SNRNP48: variants seen among roughly 807,000 people sequenced by gnomAD.
SNRNP48 encodes U11/U12 small nuclear ribonucleoprotein 48 kDa protein.
A neutral mutation model predicts 47.0 loss-of-function variants in SNRNP48; 43 were observed. That is an observed-to-expected ratio of 0.92 (90% CI 0.72 to 1.18). The LOEUF (loss-of-function observed/expected upper bound fraction) is 1.18, where lower values mean the gene tolerates loss of function less well. Ranked by LOEUF, SNRNP48 falls within the 50% of genes most tolerant of loss-of-function variation. The pLI, the probability that SNRNP48 is intolerant of heterozygous loss-of-function variation, is 0.00. For missense variants in SNRNP48, 396 were observed against 422.2 expected, an observed-to-expected ratio of 0.94 and a Z score of 0.54; for synonymous variants, 138 against 144.0, an observed-to-expected ratio of 0.96 and a Z score of 0.30.
Position 7,606,198 on chromosome 6 carries a change from G to A in SNRNP48, c.971+3G>A, listed in dbSNP as rs368401628. The A allele has an allele frequency of 5.6e-6, 9 of 1,606,084 alleles. No homozygotes were observed. The highest frequency in any genetic ancestry group is 1.7e-5 in the Admixed American group (1 of 58,300). ...GAGTCGAGAAGAAGGAAAGAGAGGT[G>A]GGTCTAACCCTGCATCATCCAACGT... On this transcript the variant is annotated splice_donor_region_variant and intron_variant, in intron 8 of 8. Coordinates refer to ENST00000342415, the MANE Select transcript of SNRNP48 (RefSeq NM_152551.4).
intron 4 of SNRNP48, chr6:7,600,659 C>T (rs1010450205): frequency 3.3e-5 from 5 of 152,072 alleles, no homozygotes; most frequent in African/African-American, 1.2e-4. Flanking sequence ...TACCGGGGGG[C>T]ACTGCTATTA....
intron 8 of SNRNP48, among the ~76,000 whole-genome samples, chr6:7,607,014 A>G (rs1004387702): frequency 2.0e-5 from 3 of 152,146 alleles, no homozygotes; most frequent in Non-Finnish European, 2.9e-5. Context: ...GTGAATAGTC[A>G]CCTCATAGAA....
chr6:7,596,253 G>A (rs987445824), intron 4 of SNRNP48, among the ~76,000 whole-genome samples: 3 of 150,722 alleles, frequency 2.0e-5, no homozygotes, highest in South Asian at 2.1e-4. Context: ...GCAACAGAGC[G>A]AGACTCCATC....
In SNRNP48 at chr6:7,595,249, C is replaced by CA. The variant is rs1759883622; in HGVS notation, c.406+148_406+149insA. The CA allele has an allele frequency of 4.9e-6, 3 of 616,528 alleles. No individual in the cohort carries two copies. In the South Asian group the frequency reaches 6.8e-5, roughly 14 times the overall value. 38.2% of individuals were successfully genotyped at this position (616,528 alleles called of 1,614,324 possible). ...CATTTAACATTGGGCTAATTTGCTT[C>CA]GTTTCAACTTCATTTGTTAGATATT... is the stretch of plus-strand genomic sequence containing the variant. On this transcript the variant is annotated intron_variant, in intron 4 of 8. Coordinates refer to ENST00000342415, the MANE Select transcript of SNRNP48 (RefSeq NM_152551.4).
chr6:7,592,880 T>C (rs1759842964), intron 1 of SNRNP48, among the ~76,000 whole-genome samples: 1 of 152,074 alleles, frequency 6.6e-6, no homozygotes, highest in Non-Finnish European at 1.5e-5. Context: ...AGGAGTTAAA[T>C]TGGCAGGACT....
Position 7,590,200 on chromosome 6 carries a change from A to C in SNRNP48, c.-58A>C, listed in dbSNP as rs1759784836. The C allele has an allele frequency of 1.6e-6, 2 of 1,260,250 alleles. No homozygotes were observed. The highest frequency in any genetic ancestry group is 2.0e-6 in the Non-Finnish European group (2 of 995,348). The allele number at this position is 1,260,250 out of a possible 1,614,324, so 78.1% of individuals were successfully genotyped here. A position where few individuals can be genotyped will look rare whatever the true frequency, so the allele number is the denominator to read the frequency against. ...CTGTGGCCCCGCCCACAGCTCCCAG[A>C]GGCCTGCGCGTGCGGTCTGCAGTTC... On this transcript the variant is annotated 5_prime_UTR_variant, in exon 1 of 9. Transcript: ENST00000342415.
intron 4 of SNRNP48, chr6:7,600,123 G>A (rs189998540): frequency 6.0e-6 from 6 of 992,548 alleles, no homozygotes; most frequent in Non-Finnish European, 7.2e-6. Context: ...ACTTGAAAGG[G>A]AACCCTTTTT....
chr6:7,609,481 A>C lies in SNRNP48; in HGVS notation c.*608A>C, dbSNP rs1321056027. 7 of 152,246 alleles carry C rather than the reference A, an allele frequency of 4.6e-5. No homozygotes were observed. The highest frequency in any genetic ancestry group is 1.7e-4 in the African/African-American group (7 of 41,460). The allele number at this position is 152,246 out of a possible 1,614,324, so 9.4% of individuals were successfully genotyped here. On this transcript the variant is annotated 3_prime_UTR_variant, in exon 9 of 9. Transcript: ENST00000342415. Reference sequence around the variant, plus strand: ...TCAGTGAAAATAGCAAGTTGTAGAAAGTTATATACAAATTATATATATGTA... The same window carrying C: ...TCAGTGAAAATAGCAAGTTGTAGAACGTTATATACAAATTATATATATGTA...
chr6:7,593,800 A>T lies in SNRNP48; in HGVS notation c.223A>T (p.Met75Leu). 2 of 1,599,850 alleles carry T rather than the reference A, an allele frequency of 1.3e-6. No individual in the cohort carries two copies. The highest frequency in any genetic ancestry group is 1.7e-6 in the Non-Finnish European group (2 of 1,172,796). The change falls in exon 2 of 9, where the codon ATG becomes TTG. Residue 75 changes from methionine to leucine, a missense_variant. Coordinates refer to ENST00000342415, the MANE Select transcript of SNRNP48 (RefSeq NM_152551.4). ...GCCTAAATCATCTTTGGCAAAGCAC[A>T]TGGCATCTTGTAGATTGAGGAAAAT... ...HMPKSSLAKH[M>L]ASCRLRKMGY...
Position 7,593,786 on chromosome 6 carries a change from C to T in SNRNP48, c.209C>T (p.Ser70Phe). ...TCCAATCATCACATGCCTAAATCAT[C>T]TTTGGCAAAGCACATGGCATCTTGT... is the stretch of plus-strand genomic sequence containing the variant. ...YDSNHHMPKS[S>F]LAKHMASCRL... Residue 70 changes from serine to phenylalanine, a missense_variant, in exon 2 of 9, where the codon TCT (serine) becomes TTT (phenylalanine). Physicochemically the swap from Ser to Phe is radical, Grantham distance 155 (BLOSUM62 -2). Coordinates refer to ENST00000342415, the MANE Select transcript of SNRNP48 (RefSeq NM_152551.4). 1 of 1,600,262 alleles carries T rather than the reference C, an allele frequency of 6.2e-7. No individual in the cohort carries two copies. Among genetic ancestry groups the T allele is most frequent in the Non-Finnish European group, 8.5e-7 (1 of 1,173,164 alleles).
intron 4 of SNRNP48, among the ~76,000 whole-genome samples, chr6:7,595,340 T>C (rs1759884983): frequency 6.6e-6 from 1 of 152,062 alleles, no homozygotes; most frequent in Non-Finnish European, 1.5e-5. Flanking sequence ...CCTTTGGAAT[T>C]ACCTGGCGAT....
chr6:7,592,828 G>A (rs75641290), intron 1 of SNRNP48, among the ~76,000 whole-genome samples: 10,572 of 152,166 alleles, frequency 0.069, 493 homozygotes, highest in Non-Finnish European at 0.1. Flanking sequence ...TGGGGAAGTG[G>A]CAGTGGGGAT....
In SNRNP48 at chr6:7,595,060, C is replaced by T. The variant is rs1330560225; in HGVS notation, c.365C>T (p.Ala122Val). 6.3e-7 allele frequency: 1 copy of T among 1,598,094 alleles called. No individual in the cohort carries two copies. Among genetic ancestry groups the T allele is most frequent in the East Asian group, 2.3e-5 (1 of 43,874 alleles). ...KDSQFQIIKQ[A>V]RTAVGKDSDC... ...TCACAATTCCAGATAATTAAACAAG[C>T]TAGAACTGCAGTTGGGAAAGACAGT... The change falls in exon 4 of 9, where the codon GCT (alanine) becomes GTT (valine). Residue 122 changes from alanine to valine, a missense_variant. Coordinates refer to ENST00000342415, the MANE Select transcript of SNRNP48 (RefSeq NM_152551.4).
At chr6:7,598,892 G>A (rs1335848869) in intron 4 of SNRNP48, among the ~76,000 whole-genome samples, 1 of 152,136 alleles carries the variant, frequency 6.6e-6, no homozygotes, top group Non-Finnish European at 1.5e-5. Context: ...TTTTAACCAA[G>A]ATATTTCAAT....
chr6:7,597,988 C>G (rs1336733136), intron 4 of SNRNP48, among the ~76,000 whole-genome samples: 1 of 151,500 alleles, frequency 6.6e-6, no homozygotes, highest in Admixed American at 6.6e-5. Context: ...GCCTCAGGTC[C>G]CGAGTAGCTG....
intron 3 of SNRNP48, 40 bp downstream of exon 3, chr6:7,594,199 T>C: frequency 3.0e-6 from 3 of 992,778 alleles, no homozygotes; most frequent in Middle Eastern, 3.3e-4. Flanking sequence ...TATCTTAGTG[T>C]AGATATTGAT....
chr6:7,596,716 G>T (rs1303017222), intron 4 of SNRNP48, among the ~76,000 whole-genome samples: 1 of 152,170 alleles, frequency 6.6e-6, no homozygotes, highest in Admixed American at 6.5e-5. Context: ...TTCTTTGAGG[G>T]AGACAGTTGA....
chr6:7,607,884 T>G (rs1411357949), intron 8 of SNRNP48, among the ~76,000 whole-genome samples: 1 of 152,248 alleles, frequency 6.6e-6, no homozygotes, highest in Non-Finnish European at 1.5e-5. Context: ...TAATTAGGTT[T>G]AAAGCTACCT....
At chr6:7,601,072 C>T (rs1581837332) in intron 4 of SNRNP48, 1 of 265,626 alleles carries the variant, frequency 3.8e-6, no homozygotes, top group East Asian at 7.4e-5. Context: ...TTATTCCTGC[C>T]TGCCTCCATG....
Sources: gnomAD v4.1 joint callset for allele counts (sites outside exome capture counted in the v4.1 genomes callset) on GRCh38, gnomAD v4.1.1 for gene constraint, MANE v1.5 for transcripts, NCBI Gene and HGNC (gene_info 2026-07-23, HGNC 2026-07-21) for gene names.